Variants in SREK1 observed in about 807,000 individuals in gnomAD.
The protein encoded by SREK1 is splicing regulatory glutamic acid and lysine rich protein 1, also known as splicing regulatory glutamine/lysine-rich protein 1.
Under a neutral mutation model 66.5 loss-of-function variants are expected in SREK1, and 13 were observed. The observed-to-expected ratio is 0.20, with a 90% confidence interval of 0.13 to 0.31. SREK1 has a LOEUF of 0.31. SREK1 is among the 10% of genes least tolerant of loss of function. The pLI is 1.00. For missense variants in SREK1, 607 were observed against 769.6 expected (o/e 0.79, Z 2.50); for synonymous variants, 265 against 263.5 (o/e 1.01, Z -0.05).
intron 9 of SREK1, among the ~76,000 whole-genome samples, chr5:66,171,622 A>T (rs1218333049): frequency 6.6e-6 from 1 of 152,190 alleles, no homozygotes; most frequent in African/African-American, 2.4e-5. Flanking sequence ...CTTATACTAC[A>T]CTATCTTAAA....
chr5:66,158,733 G>A, intron 2 of SREK1: 3 of 1,182,492 alleles, frequency 2.5e-6, no homozygotes, highest in Non-Finnish European at 3.3e-6. Flanking sequence ...GACTAATTTG[G>A]TTATTTGCCA....
rs1189610942 is a variant in SREK1, at chr5:66,179,770, ATG to A, written c.*905_*906del. On this transcript the variant is annotated 3_prime_UTR_variant, in exon 12 of 12. Coordinates refer to ENST00000334121, the MANE Select transcript of SREK1 (RefSeq NM_001077199.3). The stretch of plus-strand genomic sequence containing the variant: ...AGCTGAAGCTTTAGTGCCTTCTACA[ATG>A]TGGTATACTGTTTTCTAGAATTTTA... 1 of 152,504 alleles carries A rather than the reference ATG, an allele frequency of 6.6e-6. No individual in the cohort carries two copies. The highest frequency in any genetic ancestry group is 1.5e-5 in the Non-Finnish European group (1 of 67,960). The allele number at this position is 152,504 out of a possible 1,614,324, so 9.4% of individuals were successfully genotyped here.
chr5:66,151,180 CT>C (rs1683766350), intron 1 of SREK1, among the ~76,000 whole-genome samples: 1 of 152,098 alleles, frequency 6.6e-6, no homozygotes, highest in African/African-American at 2.4e-5. Flanking sequence ...GGGGTGGGAA[CT>C]TTACTCATTG....
chr5:66,159,919 G>A (rs918430159), intron 3 of SREK1, among the ~76,000 whole-genome samples: 3 of 151,912 alleles, frequency 2.0e-5, no homozygotes, highest in South Asian at 2.1e-4. Context: ...TCATGAGGTC[G>A]GGAGATCGAG....
In SREK1 at chr5:66,161,265, T is replaced by C. The variant is rs905247094; in HGVS notation, c.412-844T>C. 2.0e-5 allele frequency among the ~76,000 whole-genome samples: 3 copies of C among 152,220 alleles called. No homozygotes were observed. The East Asian group carries it at 5.8e-4, about 29-fold the overall frequency. On this transcript the variant is annotated intron_variant, in intron 3 of 11. Transcript: ENST00000334121. ...GTTGATTCTCATTCTTTGTGAATTC[T>C]GTATTTTTGAATTCACTTAGTAAGT...
At chr5:66,164,585 C>G (rs1745023075) in intron 6 of SREK1, 198 bp from the exon 7 acceptor site, 1 of 1,513,088 alleles carries the variant, frequency 6.6e-7, no homozygotes, top group African/African-American at 1.4e-5. Context: ...TTATAATCAT[C>G]TGGTTTATAT....
rs1303605727 is a variant in SREK1, at chr5:66,177,537, G to T, written c.1604G>T (p.Arg535Ile). 1 of 1,599,000 alleles carries T rather than the reference G, an allele frequency of 6.3e-7. No individual in the cohort carries two copies. The highest frequency in any genetic ancestry group is 1.1e-5 in the South Asian group (1 of 88,578). The change falls in exon 11 of 12, where the codon AGA (arginine) becomes ATA (isoleucine). Residue 535 changes from arginine (R) to isoleucine (I), a missense_variant. Physicochemically the swap from Arg to Ile is moderately conservative, Grantham distance 97. Around this residue, in one of 5 missense-constraint regions of SREK1, gnomAD observed 318 missense variants for 310.3 expected, o/e 1.02. Transcript: ENST00000334121. Reference protein sequence around the residue: ...PRSRNKKDKKREKERDHISER... With the variant: ...PRSRNKKDKKIEKERDHISER... Reference sequence around the variant, plus strand: ...AGCAGAAATAAGAAGGATAAAAAGAGAGAAAAAGAAAGGGACCACATCAGT... The same window carrying T: ...AGCAGAAATAAGAAGGATAAAAAGATAGAAAAAGAAAGGGACCACATCAGT...
rs1746431945 is a variant in SREK1 at position 66,180,906 on chromosome 5, C to A, written c.*2038C>A. Reference sequence around the variant, plus strand: ...GAGGAAAATGTTTGTTTATGCATTTCAAAAAAGCATTTTAGTTTTATCCTG... The same window carrying A: ...GAGGAAAATGTTTGTTTATGCATTTAAAAAAAGCATTTTAGTTTTATCCTG... On this transcript the variant is annotated 3_prime_UTR_variant, in exon 12 of 12. Coordinates refer to ENST00000334121, the MANE Select transcript of SREK1 (RefSeq NM_001077199.3). 1 of 152,292 alleles carries A rather than the reference C, an allele frequency of 6.6e-6. No individual in the cohort carries two copies. The allele number at this position is 152,292 out of a possible 1,614,324, so 9.4% of individuals were successfully genotyped here.
intron 10 of SREK1, among the ~76,000 whole-genome samples, chr5:66,176,105 T>G (rs1746031912): frequency 6.6e-6 from 1 of 152,186 alleles, no homozygotes; most frequent in Admixed American, 6.6e-5. Context: ...CTTATTCTTG[T>G]GTACAATATG....
At chr5:66,168,671 C>G (rs1173632423) in intron 7 of SREK1, 3 of 152,046 alleles carry the variant, frequency 2.0e-5, no homozygotes, top group Non-Finnish European at 2.9e-5. Context: ...GCCACTGTGC[C>G]CAGCCCAACT....
Position 66,163,821 on chromosome 5 carries a change from A to G in SREK1, c.785A>G (p.Lys262Arg). 6.2e-7 allele frequency: 1 copy of G among 1,613,490 alleles called. No individual in the cohort carries two copies. The change falls in exon 6 of 12, where the codon AAA becomes AGA. Residue 262 changes from lysine to arginine, a missense_variant. By Grantham distance (26) the Lys-to-Arg change is conservative. This residue lies in a region of SREK1 where 112 missense variants were observed against 168.6 expected (regional missense o/e 0.66). Coordinates refer to ENST00000334121, the MANE Select transcript of SREK1 (RefSeq NM_001077199.3). ...KINHSNNAIVKPPEMTPQAAA... is the reference protein window; with the variant it reads ...KINHSNNAIVRPPEMTPQAAA... ...AATCACTCCAACAATGCAATAGTAA[A>G]ACCCCCTGAGATGACACCTCAGGCT...
At chr5:66,164,002 C>G (rs1744968867) in intron 6 of SREK1, 80 bp downstream of exon 6, 3 of 1,484,744 alleles carry the variant, frequency 2.0e-6, no homozygotes, top group South Asian at 2.6e-5. Context: ...TAGAAATCAT[C>G]TTGTTCAGTC....
chr5:66,173,208 A>G (rs1745788445), intron 9 of SREK1, among the ~76,000 whole-genome samples: 2 of 152,186 alleles, frequency 1.3e-5, no homozygotes. Context: ...TAAATGGAGA[A>G]TATTTTAACT....
intron 1 of SREK1, among the ~76,000 whole-genome samples, chr5:66,150,280 A>G (rs1245983189): frequency 6.6e-6 from 1 of 152,254 alleles, no homozygotes; most frequent in Non-Finnish European, 1.5e-5. Flanking sequence ...TAGCACATGT[A>G]GGAGGCTGTA....
In SREK1 at chr5:66,151,431, G is replaced by C. The variant is rs74446063; in HGVS notation, c.162-2032G>C. On this transcript the variant is annotated intron_variant, in intron 1 of 11. Coordinates refer to ENST00000334121, the MANE Select transcript of SREK1 (RefSeq NM_001077199.3). The stretch of plus-strand genomic sequence containing the variant: ...GAAAGAGCTTTGGAAGTAGTTGGTG[G>C]GCAGTGCTTAGGATGGTCACACTAG... 3.5e-4 allele frequency among the ~76,000 whole-genome samples: 54 copies of C among 152,258 alleles called. No homozygotes were observed. The East Asian group carries it at 9.1e-3, about 26-fold the overall frequency.
At chr5:66,153,131 G>A (rs1743988309) in intron 1 of SREK1, among the ~76,000 whole-genome samples, 1 of 152,126 alleles carries the variant, frequency 6.6e-6, no homozygotes, top group Non-Finnish European at 1.5e-5. Context: ...TTTATAAAGG[G>A]ATTTTTGCTT....
At position 66,170,652 on chromosome 5, in the gene SREK1, AAGG is replaced by A; in HGVS notation, c.1192_1194del (p.Glu398del). The stretch of plus-strand genomic sequence containing the variant: ...AAGAGTGAAAGAGAAAGACAGGGAA[AAGG>A]AGAGAGAGAGGGAAAAGGAACGTGA... On this transcript the variant is annotated inframe_deletion, in exon 9 of 12. Coordinates refer to ENST00000334121, the MANE Select transcript of SREK1 (RefSeq NM_001077199.3). 1.2e-6 allele frequency: 2 copies of A among 1,613,282 alleles called. No individual in the cohort carries two copies. Among genetic ancestry groups the A allele is most frequent in the African/African-American group, 2.7e-5 (2 of 74,970 alleles).
In SREK1 at chr5:66,164,845, A is replaced by C; in HGVS notation, c.949A>C (p.Arg317=). Residue 317 remains arginine, a synonymous_variant, in exon 7 of 12, where the codon AGG becomes CGG. Transcript: ENST00000334121. ...TCGTTCCCATACTCGCTCAAAATCC[A>C]GGTCTAGCTCAAAATCCCATTCTAG... ...RSRSHTRSKS[R]SSSKSHSRRK... The C allele has an allele frequency of 9.9e-6, 16 of 1,614,106 alleles. No homozygotes were observed. Among genetic ancestry groups the C allele is most frequent in the Non-Finnish European group, 1.4e-5 (16 of 1,179,934 alleles).
chr5:66,161,944 G>A (rs540373827), intron 3 of SREK1, among the ~76,000 whole-genome samples, 165 bp from the exon 4 acceptor site: 11 of 152,260 alleles, frequency 7.2e-5, no homozygotes, highest in South Asian at 2.1e-4. Flanking sequence ...AAACTAATGT[G>A]ACCTTACTTT....
Sources: allele counts gnomAD v4.1 joint callset (sites outside exome capture counted in the v4.1 genomes callset), GRCh38; gene constraint gnomAD v4.1.1; regional missense constraint gnomAD v4.1.1; transcripts MANE v1.5; gene names NCBI Gene and HGNC (gene_info 2026-07-23, HGNC 2026-07-21).